SCN9A: variants seen among roughly 807,000 people sequenced by gnomAD.
SCN9A encodes the protein sodium channel protein type 9 subunit alpha.
Under a neutral mutation model 187.0 loss-of-function variants are expected in SCN9A, and 131 were observed. The ratio of observed to expected loss-of-function variants is 0.70; its 90% CI spans 0.61 to 0.81. The LOEUF is 0.81. Ranked by LOEUF, SCN9A falls within the 30% of genes least tolerant of loss-of-function variation. The pLI is 0.00. For synonymous variants in SCN9A, 809 were observed against 808.6 expected, an observed-to-expected ratio of 1.00 and a Z score of -0.01; for missense variants, 2,252 against 2,396.6, an observed-to-expected ratio of 0.94 and a Z score of 1.26.
chr2:166,238,438 C>T (rs1695417643), intron 19 of SCN9A, among the ~76,000 whole-genome samples, 171 bp from the exon 20 acceptor site: 1 of 152,132 alleles, frequency 6.6e-6, no homozygotes, highest in Non-Finnish European at 1.5e-5. Context: ...TTAGTTCTAG[C>T]CTTCTCACCA....
chr2:166,279,865 A>T (rs1697399565), intron 14 of SCN9A, among the ~76,000 whole-genome samples: 1 of 152,080 alleles, frequency 6.6e-6, no homozygotes, highest in African/African-American at 2.4e-5. Context: ...AATACTACAG[A>T]GTTAAAATAT....
At chr2:166,227,987 T>C (rs1694912188) in intron 22 of SCN9A, among the ~76,000 whole-genome samples, 2 of 152,122 alleles carry the variant, frequency 1.3e-5, no homozygotes. Context: ...TTTTTAAAGG[T>C]GAAGGAAAAT....
intron 1 of SCN9A, among the ~76,000 whole-genome samples, chr2:166,334,327 T>C (rs1699577795): frequency 6.6e-6 from 1 of 152,124 alleles, no homozygotes; most frequent in South Asian, 2.1e-4. Flanking sequence ...GGCAATTACT[T>C]TACTGATATC....
In SCN9A at chr2:166,286,440, A is replaced by G; in HGVS notation, c.1498T>C (p.Leu500=). 1 of 1,613,622 alleles carries G rather than the reference A, an allele frequency of 6.2e-7. No individual in the cohort carries two copies. The highest frequency in any genetic ancestry group is 8.5e-7 in the Non-Finnish European group (1 of 1,179,758). Residue 500 remains leucine, a synonymous_variant, in exon 11 of 27, where the codon TTG becomes CTG. Transcript: ENST00000642356. ...CTGTCCTCTGATTCTGATTTCGACA[A>G]TTTCTCAGCATCTCCCTTTTCCTCT... is the stretch of plus-strand genomic sequence containing the variant. ...SGEEKGDAEK[L]SKSESEDSIR...
intron 1 of SCN9A, among the ~76,000 whole-genome samples, chr2:166,344,137 A>T (rs1285134491): frequency 6.6e-6 from 1 of 152,192 alleles, no homozygotes; most frequent in East Asian, 1.9e-4. Context: ...AACTAAACTA[A>T]ACTAGCACAG....
At chr2:166,352,569 A>G (rs1360884112) in intron 1 of SCN9A, among the ~76,000 whole-genome samples, 1 of 152,226 alleles carries the variant, frequency 6.6e-6, no homozygotes, top group Non-Finnish European at 1.5e-5. Context: ...TAATTAAAGT[A>G]CATCTTGCTT....
chr2:166,303,396 A>G, intron 6 of SCN9A, 94 bp from the exon 7 acceptor site: 1 of 974,342 alleles, frequency 1.0e-6, no homozygotes, highest in Non-Finnish European at 1.6e-6. Context: ...GCATTATATC[A>G]AATCAATGAC....
chr2:166,293,549 T>C (rs12475406), intron 8 of SCN9A, among the ~76,000 whole-genome samples, 177 bp from the exon 9 acceptor site: 18,698 of 152,216 alleles, frequency 0.12, 1,435 homozygotes, highest in African/African-American at 0.19. Context: ...CTTCAAGGCA[T>C]AAGTCTGTCT....
At chr2:166,324,292 C>CAAAT (rs1699312543) in intron 1 of SCN9A, among the ~76,000 whole-genome samples, 1 of 151,432 alleles carries the variant, frequency 6.6e-6, no homozygotes, top group African/African-American at 2.4e-5. Flanking sequence ...GACTCCATCT[C>CAAAT]AAATAAATAA....
intron 1 of SCN9A, among the ~76,000 whole-genome samples, chr2:166,312,675 G>C (rs1574914664): frequency 6.6e-6 from 1 of 152,116 alleles, no homozygotes; most frequent in African/African-American, 2.4e-5. Flanking sequence ...CTTAAAAGTT[G>C]AAATTACTCT....
At chr2:166,295,388 G>A (rs993752409) in intron 7 of SCN9A, among the ~76,000 whole-genome samples, 17 of 152,094 alleles carry the variant, frequency 1.1e-4, no homozygotes, top group Admixed American at 2.0e-4. Flanking sequence ...AGGACGTTTC[G>A]TCCTTGTGCA....
intron 18 of SCN9A, 50 bp downstream of exon 18, chr2:166,251,715 C>G: frequency 1.2e-6 from 2 of 1,607,532 alleles, no homozygotes; most frequent in Admixed American, 1.7e-5. Flanking sequence ...AAGACAAACC[C>G]CAGAACACTA....
At position 166,286,567 on chromosome 2, in the gene SCN9A, G is replaced by A. The variant is rs757493692; in HGVS notation, c.1371C>T (p.Gly457=). 1 of 1,601,630 alleles carries A rather than the reference G, an allele frequency of 6.2e-7. No individual in the cohort carries two copies. Among genetic ancestry groups the A allele is most frequent in the Non-Finnish European group, 8.5e-7 (1 of 1,175,988 alleles). ...ATGTTTCAGAAGAACTCTCTGAGAG[G>A]CCCATAATTCTGCTTCTCCTAATAC... is the stretch of plus-strand genomic sequence containing the variant. The part of the protein sequence containing the change: ...YTSIRRSRIM[G]LSESSSETSK... The change falls in exon 11 of 27, where the codon GGC becomes GGT. Residue 457 remains glycine (G), a synonymous_variant. Coordinates refer to ENST00000642356, the MANE Select transcript of SCN9A (RefSeq NM_001365536.1).
chr2:166,342,221 G>A (rs73025523), intron 1 of SCN9A, among the ~76,000 whole-genome samples: 11,376 of 152,110 alleles, frequency 0.075, 1,295 homozygotes, highest in African/African-American at 0.25. Context: ...CTTTAAAATC[G>A]TTTAGAATCT....
At chr2:166,369,048 C>T (rs1045652933) in intron 1 of SCN9A, among the ~76,000 whole-genome samples, 131 of 151,404 alleles carry the variant, frequency 8.7e-4, no homozygotes, top group African/African-American at 3.1e-3. Flanking sequence ...TGCCTAGATA[C>T]CATTATTGAA....
chr2:166,364,632 C>T (rs1180546090), intron 1 of SCN9A, among the ~76,000 whole-genome samples: 1 of 152,010 alleles, frequency 6.6e-6, no homozygotes, highest in Admixed American at 6.6e-5. Context: ...AGAATAGTCA[C>T]ATTCATAGAG....
At chr2:166,247,718 T>C (rs989337343) in intron 18 of SCN9A, among the ~76,000 whole-genome samples, 3 of 152,146 alleles carry the variant, frequency 2.0e-5, no homozygotes, top group Non-Finnish European at 4.4e-5. Context: ...GATTTCACCA[T>C]GTTAGCCAGG....
At chr2:166,298,252 T>C (rs1698406120) in intron 7 of SCN9A, among the ~76,000 whole-genome samples, 1 of 152,220 alleles carries the variant, frequency 6.6e-6, no homozygotes. Context: ...CAAAACTTTC[T>C]CTATTAAATG....
chr2:166,228,714 C>G lies in SCN9A; in HGVS notation c.4183G>C (p.Gly1395Arg). 1.2e-6 allele frequency: 2 copies of G among 1,612,438 alleles called. No homozygotes were observed. Among genetic ancestry groups the G allele is most frequent in the Non-Finnish European group, 1.7e-6 (2 of 1,178,836 alleles). Reference sequence around the variant, plus strand: ...ACAACTTGAAGCAGAGATAGGTAACCAAGTCCGACATTATCAAAGTTCACT... The same window carrying G: ...ACAACTTGAAGCAGAGATAGGTAACGAAGTCCGACATTATCAAAGTTCACT... ...LKVNFDNVGL[G>R]YLSLLQVATF... Residue 1395 changes from glycine (G) to arginine (R), a missense_variant, in exon 22 of 27, where the codon GGT becomes CGT. Around this residue, in one of 7 missense-constraint regions of SCN9A, gnomAD observed 368 missense variants for 408.6 expected, o/e 0.90. Transcript: ENST00000642356.
Sources: gnomAD v4.1 joint callset for allele counts (sites outside exome capture counted in the v4.1 genomes callset) on GRCh38, gnomAD v4.1.1 for gene constraint, gnomAD v4.1.1 regional missense constraint, MANE v1.5 for transcripts, NCBI Gene and HGNC (gene_info 2026-07-23, HGNC 2026-07-21) for gene names.